Variants in VWDE observed in about 807,000 individuals in gnomAD.
VWDE encodes von Willebrand factor D and EGF domains.
Under a neutral mutation model 178.4 loss-of-function variants are expected in VWDE, and 207 were observed. The ratio of observed to expected loss-of-function variants is 1.16; its 90% CI spans 1.04 to 1.30. The LOEUF (loss-of-function observed/expected upper bound fraction) is 1.30, where lower values mean the gene tolerates loss of function less well. Ranked by LOEUF, VWDE falls within the 50% of genes most tolerant of loss-of-function variation. The pLI is 0.00. For synonymous variants in VWDE, 738 were observed against 651.4 expected (o/e 1.13, Z -2.02); for missense variants, 2,287 against 1,901.3 (o/e 1.20, Z -3.77).
intron 13 of VWDE, among the ~76,000 whole-genome samples, chr7:12,365,901 C>T (rs556960810): frequency 5.9e-5 from 9 of 152,162 alleles, no homozygotes; most frequent in South Asian, 2.1e-4. Flanking sequence ...TCTGTGTCTC[C>T]GCCCAAATCT....
At chr7:12,399,081 T>C (rs892060822) in intron 1 of VWDE, among the ~76,000 whole-genome samples, 23 of 152,120 alleles carry the variant, frequency 1.5e-4, no homozygotes, top group African/African-American at 2.7e-4. Context: ...AAAATAGAAT[T>C]TCAGGTTCTT....
chr7:12,370,493 T>C lies in VWDE; in HGVS notation c.1813A>G (p.Ser605Gly). 1 of 1,536,710 alleles carries C rather than the reference T, an allele frequency of 6.5e-7. No individual in the cohort carries two copies. Residue 605 changes from serine to glycine, a missense_variant, in exon 12 of 29, where the codon AGC becomes GGC. Transcript: ENST00000275358. Reference sequence around the variant, plus strand: ...GAAACTGGCAGTGTGTCAGACATGCTTTTTCCTGGTAAAATCCTTCCAGAT... The same window carrying C: ...GAAACTGGCAGTGTGTCAGACATGCCTTTTCCTGGTAAAATCCTTCCAGAT... ...INEWRILPGKSMSDTLPVSMT... is the reference protein window; with the variant it reads ...INEWRILPGKGMSDTLPVSMT...
chr7:12,337,410 C>T, intron 24 of VWDE, 138 bp from the exon 25 acceptor site: 2 of 773,218 alleles, frequency 2.6e-6, no homozygotes, highest in Non-Finnish European at 4.3e-6. Context: ...ACTCATTAAA[C>T]CTGTCCTTTC....
chr7:12,402,932 G>T (rs1285803621), intron 1 of VWDE, among the ~76,000 whole-genome samples: 1 of 151,854 alleles, frequency 6.6e-6, no homozygotes, highest in Non-Finnish European at 1.5e-5. Context: ...AAAAACGTAA[G>T]GAAACTTGCA....
At chr7:12,338,094 G>C (rs1040773993) in intron 24 of VWDE, among the ~76,000 whole-genome samples, 5 of 152,088 alleles carry the variant, frequency 3.3e-5, no homozygotes, top group Middle Eastern at 3.4e-3. Context: ...AACAGGACTA[G>C]TGTGGACTGA....
intron 18 of VWDE, among the ~76,000 whole-genome samples, chr7:12,352,939 T>C (rs898204012): frequency 1.3e-5 from 2 of 152,218 alleles, no homozygotes; most frequent in African/African-American, 4.8e-5. Context: ...TTCTATGACA[T>C]AGCTGATTAT....
chr7:12,356,091 TATG>T lies in VWDE; in HGVS notation c.3745+17_3745+19del. The stretch of plus-strand genomic sequence containing the variant: ...CAAGGAGCTTTTCTTTCTAATTTGT[TATG>T]AGGAGCAAAATCTTACCTTTGAGCT... On this transcript the variant is annotated intron_variant, in intron 18 of 28. Transcript: ENST00000275358. 6.5e-7 allele frequency: 1 copy of T among 1,545,882 alleles called. No homozygotes were observed. Among genetic ancestry groups the T allele is most frequent in the Non-Finnish European group, 8.7e-7 (1 of 1,143,300 alleles).
In VWDE at chr7:12,370,359, A is replaced by G; in HGVS notation, c.1947T>C (p.Gly649=). ...DSVSRSEIAL[G]CKDLNHVSLS... ...AGCTGACATGATTGAGGTCTTTGCA[A>G]CCCAAGGCAATTTCTGATCGAGAAA... Residue 649 remains glycine, a synonymous_variant, in exon 12 of 29, where the codon GGT becomes GGC. Coordinates refer to ENST00000275358, the MANE Select transcript of VWDE (RefSeq NM_001135924.3). 6.4e-7 allele frequency: 1 copy of G among 1,551,154 alleles called. No individual in the cohort carries two copies. Among genetic ancestry groups the G allele is most frequent in the Admixed American group, 2.0e-5 (1 of 50,978 alleles).
Position 12,331,040 on chromosome 7 carries a change from ATTATGTAT to A in VWDE, c.*135_*142del, listed in dbSNP as rs1447729240. 10 of 618,078 alleles carry A rather than the reference ATTATGTAT, an allele frequency of 1.6e-5. No individual in the cohort carries two copies. Among genetic ancestry groups the A allele is most frequent in the Non-Finnish European group, 2.5e-5 (9 of 366,852 alleles). The allele number at this position is 618,078 out of a possible 1,614,324, so 38.3% of individuals were successfully genotyped here. Reference sequence around the variant, plus strand: ...TTTCTCTATGATTACAACAGAGATCATTATGTATTTTATTAGTTTCTTCAGTCTTTAAG... The same window carrying A: ...TTTCTCTATGATTACAACAGAGATCATTTATTAGTTTCTTCAGTCTTTAAG... On this transcript the variant is annotated 3_prime_UTR_variant, in exon 29 of 29. Coordinates refer to ENST00000275358, the MANE Select transcript of VWDE (RefSeq NM_001135924.3).
At position 12,340,318 on chromosome 7, in the gene VWDE, T is replaced by C. The variant is rs1469748134; in HGVS notation, c.4366+4A>G. The C allele has an allele frequency of 7.1e-6, 11 of 1,547,568 alleles. No individual in the cohort carries two copies. Among genetic ancestry groups the C allele is most frequent in the South Asian group, 1.2e-5 (1 of 83,646 alleles). On this transcript the variant is annotated splice_donor_region_variant and intron_variant, in intron 24 of 28. Coordinates refer to ENST00000275358, the MANE Select transcript of VWDE (RefSeq NM_001135924.3). Reference sequence around the variant, plus strand: ...CTTTTTACATACAAAGAAAGAATAATTACCATTCTGACAGTGTTCCCCAAA... The same window carrying C: ...CTTTTTACATACAAAGAAAGAATAACTACCATTCTGACAGTGTTCCCCAAA...
At chr7:12,352,993 C>T (rs1218716680) in intron 18 of VWDE, among the ~76,000 whole-genome samples, 1 of 152,162 alleles carries the variant, frequency 6.6e-6, no homozygotes, top group East Asian at 1.9e-4. Flanking sequence ...TCTGAGCTTA[C>T]ATGGATATTC....
At chr7:12,372,920 G>A in intron 10 of VWDE, 57 bp downstream of exon 10, 2 of 1,472,630 alleles carry the variant, frequency 1.4e-6, no homozygotes, top group Non-Finnish European at 9.2e-7. Context: ...TAATAGAGAT[G>A]TTTATCTGAA....
chr7:12,370,674 G>A lies in VWDE; in HGVS notation c.1778C>T (p.Ala593Val), dbSNP rs1783137432. The change falls in exon 11 of 29, where the codon GCT becomes GTT. Residue 593 changes from alanine (A) to valine (V), a missense_variant. Transcript: ENST00000275358. ...QIDQNFNNYV[A>V]FINEWRILPG... ...GTCTTACCTCCATTCATTAATAAAAGCAACATAATTGTTAAAATTTTGATC... is the reference window on the plus strand; with the variant it reads ...GTCTTACCTCCATTCATTAATAAAAACAACATAATTGTTAAAATTTTGATC... 1.3e-6 allele frequency: 2 copies of A among 1,550,702 alleles called. No individual in the cohort carries two copies. The highest frequency in any genetic ancestry group is 1.4e-5 in the African/African-American group (1 of 72,922).
intron 12 of VWDE, among the ~76,000 whole-genome samples, chr7:12,367,829 G>C (rs1005890567): frequency 1.3e-5 from 2 of 152,068 alleles, no homozygotes; most frequent in Admixed American, 1.3e-4. Flanking sequence ...ATTTTGGCTT[G>C]TGCCATATAG....
Position 12,344,395 on chromosome 7 carries a change from T to G in VWDE, c.3961A>C (p.Ile1321Leu), listed in dbSNP as rs1206556285. The G allele has an allele frequency of 1.3e-6, 2 of 1,551,068 alleles. No homozygotes were observed. Among genetic ancestry groups the G allele is most frequent in the Admixed American group, 3.9e-5 (2 of 50,954 alleles). Reference sequence around the variant, plus strand: ...CTACCAGTTTGGCAGTTAGAACCAATGTAACCAGGTTTACATTTGCAGATG... The same window carrying G: ...CTACCAGTTTGGCAGTTAGAACCAAGGTAACCAGGTTTACATTTGCAGATG... ...PNICKCKPGY[I>L]GSNCQTALCD... The change falls in exon 20 of 29, where the codon ATT (isoleucine) becomes CTT (leucine). Residue 1321 changes from isoleucine to leucine, a missense_variant. Physicochemically the swap from Ile to Leu is conservative, Grantham distance 5 (BLOSUM62 2). Coordinates refer to ENST00000275358, the MANE Select transcript of VWDE (RefSeq NM_001135924.3).
intron 3 of VWDE, chr7:12,388,749 T>A (rs1032301935): frequency 8.8e-6 from 3 of 341,858 alleles, no homozygotes; most frequent in African/African-American, 2.1e-5. Flanking sequence ...TCAATAAATA[T>A]TGGTGAATGA....
At chr7:12,375,710 T>C (rs936837430) in intron 7 of VWDE, among the ~76,000 whole-genome samples, 6 of 152,046 alleles carry the variant, frequency 3.9e-5, no homozygotes, top group African/African-American at 1.4e-4. Context: ...AAAGGGCTTA[T>C]CATCTCAAAA....
intron 12 of VWDE, among the ~76,000 whole-genome samples, chr7:12,369,123 T>C (rs1783012940): frequency 6.6e-6 from 1 of 152,160 alleles, no homozygotes; most frequent in South Asian, 2.1e-4. Flanking sequence ...AGCCAAACTA[T>C]ATAAACACAG....
chr7:12,398,504 C>T (rs1784730450), intron 1 of VWDE, among the ~76,000 whole-genome samples: 1 of 152,104 alleles, frequency 6.6e-6, no homozygotes, highest in East Asian at 1.9e-4. Context: ...CTACATGTAG[C>T]TATATTTCTT....
Sources: gnomAD v4.1 joint callset for allele counts (sites outside exome capture counted in the v4.1 genomes callset) on GRCh38, gnomAD v4.1.1 for gene constraint, MANE v1.5 for transcripts, NCBI Gene and HGNC (gene_info 2026-07-23, HGNC 2026-07-21) for gene names.